The following DBF4B variants were observed in gnomAD, a reference collection of about 807,000 sequenced individuals.
DBF4B encodes the protein DBF4B-CDC7 kinase regulatory subunit.
A neutral mutation model predicts 53.4 loss-of-function variants in DBF4B; 49 were observed. That is an observed-to-expected ratio of 0.92 (90% CI 0.73 to 1.16). DBF4B has a LOEUF of 1.16. Among genes scored for constraint, DBF4B ranks in the 50% most tolerant of loss-of-function variants. The pLI is 0.00. For missense variants in DBF4B, 692 were observed against 775.0 expected, an observed-to-expected ratio of 0.89 and a Z score of 1.27; for synonymous variants, 257 against 288.7, an observed-to-expected ratio of 0.89 and a Z score of 1.11.
At chr17:44,734,387 C>T (rs1046979820) in intron 7 of DBF4B, among the ~76,000 whole-genome samples, 1 of 152,226 alleles carries the variant, frequency 6.6e-6, no homozygotes, top group South Asian at 2.1e-4. Flanking sequence ...GGCACACACC[C>T]TGCTGAGACA....
chr17:44,741,016 T>A (rs1175988635), intron 9 of DBF4B, among the ~76,000 whole-genome samples: 1 of 152,040 alleles, frequency 6.6e-6, no homozygotes, highest in Admixed American at 6.5e-5. Flanking sequence ...ACGCCTGTAG[T>A]CCCAGCTACT....
intron 2 of DBF4B, among the ~76,000 whole-genome samples, chr17:44,712,378 C>G (rs1419212369): frequency 1.5e-5 from 2 of 133,820 alleles, no homozygotes; most frequent in African/African-American, 5.4e-5. Context: ...CATCTCGGCT[C>G]ACTGCAACCT....
intron 10 of DBF4B, among the ~76,000 whole-genome samples, chr17:44,742,000 A>T (rs1467323560): frequency 1.3e-5 from 2 of 152,022 alleles, no homozygotes; most frequent in Admixed American, 1.3e-4. Context: ...TAATCTCAGC[A>T]CTTTGAGATG....
Position 44,751,611 on chromosome 17 carries a change from A to C in DBF4B, c.*358A>C, listed in dbSNP as rs2145185047. ...ATGCCATGCTCCTCTCCTGGAAAAC[A>C]CTTGAGTTGATTCAGTAAATCGACT... On this transcript the variant is annotated 3_prime_UTR_variant, in exon 14 of 14. Transcript: ENST00000315005. 3 of 1,358,974 alleles carry C rather than the reference A, an allele frequency of 2.2e-6. No homozygotes were observed. The East Asian group carries it at 8.7e-5, about 39-fold the overall frequency. The allele number at this position is 1,358,974 out of a possible 1,614,324, so 84.2% of individuals were successfully genotyped here. A position where few individuals can be genotyped will look rare whatever the true frequency, so the allele number is the denominator to read the frequency against.
rs1461049652 is a variant in DBF4B, at chr17:44,730,114, G to T, written c.417+18G>T. ...TTGACTCGGTAAGAACCTCATGTAG[G>T]AAAGGTATGCTGTGTAAACAAAGGA... On this transcript the variant is annotated intron_variant, in intron 4 of 13. Coordinates refer to ENST00000315005, the MANE Select transcript of DBF4B (RefSeq NM_145663.3). 6.2e-7 allele frequency: 1 copy of T among 1,611,478 alleles called. No individual in the cohort carries two copies. Among genetic ancestry groups the T allele is most frequent in the Admixed American group, 1.7e-5 (1 of 59,914 alleles).
At chr17:44,715,061 A>T (rs1973211234) in intron 2 of DBF4B, among the ~76,000 whole-genome samples, 1 of 152,046 alleles carries the variant, frequency 6.6e-6, no homozygotes, top group South Asian at 2.1e-4. Flanking sequence ...AATCTGTAAC[A>T]TCATTTTCTT....
In DBF4B at chr17:44,752,115, G is replaced by A. The variant is rs556424770; in HGVS notation, c.*862G>A. ...GCTCCACCCCAACTCCCTTCTGCTG[G>A]GTGGAATGCAGGAGCTAGCTGCCTC... On this transcript the variant is annotated 3_prime_UTR_variant, in exon 14 of 14. Transcript: ENST00000315005. The A allele has an allele frequency of 6.4e-5, 62 of 971,892 alleles. No homozygotes were observed. The African/African-American group carries it at 8.4e-4, about 13-fold the overall frequency. The allele number at this position is 971,892 out of a possible 1,614,324, so 60.2% of individuals were successfully genotyped here.
In DBF4B at chr17:44,711,934, CAAA is replaced by C. The variant is rs534607737; in HGVS notation, c.82+2580_82+2582del. ...TGGGCGACAGAGCAAGACTCTGTCT[CAAA>C]AAAAAAAAAAATTAGCTGGCGTGGT... On this transcript the variant is annotated intron_variant, in intron 2 of 13. Transcript: ENST00000315005. 3.2e-3 allele frequency among the ~76,000 whole-genome samples: 313 copies of C among 96,776 alleles called. 1 individual carries two copies. Among genetic ancestry groups the C allele is most frequent in the Non-Finnish European group, 4.1e-3 (186 of 45,486 alleles). The allele number at this position is 96,776 out of a possible 152,430, so 63.5% of individuals were successfully genotyped here.
At chr17:44,748,538 C>T in intron 13 of DBF4B, 73 bp downstream of exon 13, 1 of 1,602,244 alleles carries the variant, frequency 6.2e-7, no homozygotes, top group Non-Finnish European at 8.5e-7. Context: ...GGTGAGGTAC[C>T]TGGACCTATA....
chr17:44,728,706 A>G (rs1974565609), intron 3 of DBF4B, among the ~76,000 whole-genome samples: 1 of 151,826 alleles, frequency 6.6e-6, no homozygotes, highest in Non-Finnish European at 1.5e-5. Flanking sequence ...AGTCTCAGCT[A>G]TTCGGGAGGC....
chr17:44,717,364 C>G (rs1008116074), intron 2 of DBF4B, among the ~76,000 whole-genome samples: 4 of 152,122 alleles, frequency 2.6e-5, no homozygotes, highest in Non-Finnish European at 5.9e-5. Context: ...GGTTCCTACT[C>G]TTTACCCAGC....
At chr17:44,746,071 A>G (rs974342055) in intron 10 of DBF4B, among the ~76,000 whole-genome samples, 38 of 103,586 alleles carry the variant, frequency 3.7e-4, no homozygotes, top group South Asian at 6.3e-4. Context: ...AAAAAAAAAA[A>G]AAGAAAGAAA....
chr17:44,734,264 C>A (rs535187175), intron 7 of DBF4B, 101 bp downstream of exon 7: 185 of 1,444,284 alleles, frequency 1.3e-4, no homozygotes, highest in African/African-American at 4.5e-4. Context: ...CTCTTCCTGG[C>A]CATTCTGAAA....
intron 2 of DBF4B, chr17:44,720,130 C>T (rs1328576116): frequency 1.3e-5 from 4 of 298,396 alleles, no homozygotes; most frequent in Non-Finnish European, 2.6e-5. Context: ...ACCCTCGCCT[C>T]TGTGGCGCCC....
intron 10 of DBF4B, among the ~76,000 whole-genome samples, chr17:44,743,992 C>T (rs1221449257): frequency 6.6e-6 from 1 of 150,560 alleles, no homozygotes; most frequent in Non-Finnish European, 1.5e-5. Context: ...ATAGACCACA[C>T]CTGTAATCCC....
intron 2 of DBF4B, 104 bp from the exon 3 acceptor site, chr17:44,722,776 G>A (rs71373517): frequency 7.6e-7 from 1 of 1,317,064 alleles, no homozygotes; most frequent in Non-Finnish European, 1.1e-6. Flanking sequence ...CCAGGGTCTA[G>A]TCTGTGCTAT....
intron 10 of DBF4B, among the ~76,000 whole-genome samples, chr17:44,743,709 C>T (rs1225214244): frequency 6.7e-6 from 1 of 149,034 alleles, no homozygotes; most frequent in African/African-American, 2.5e-5. Flanking sequence ...CTCCCAGGTT[C>T]ACGCGATTCT....
Position 44,729,333 on chromosome 17 carries a change from C to G in DBF4B, c.226-572C>G, listed in dbSNP as rs186439046. On this transcript the variant is annotated intron_variant, in intron 3 of 13. Coordinates refer to ENST00000315005, the MANE Select transcript of DBF4B (RefSeq NM_145663.3). ...GCTCCTGCCTCAGACTCCCAAGTAGCTAGGACTATAGGTGCATGTAACAAC... is the reference window on the plus strand; with the variant it reads ...GCTCCTGCCTCAGACTCCCAAGTAGGTAGGACTATAGGTGCATGTAACAAC... Among the ~76,000 whole-genome samples the G allele has an allele frequency of 3.4e-3, 517 of 149,960 alleles. 3 individuals carry two copies. Among genetic ancestry groups the G allele is most frequent in the African/African-American group, 0.012 (491 of 40,780 alleles).
At position 44,751,013 on chromosome 17, in the gene DBF4B, C is replaced by A; in HGVS notation, c.1608C>A (p.Cys536Ter). The A allele has an allele frequency of 1.2e-6, 2 of 1,614,182 alleles. No individual in the cohort carries two copies. Among genetic ancestry groups the A allele is most frequent in the Non-Finnish European group, 8.5e-7 (1 of 1,180,030 alleles). Residue 536 changes from cysteine to a stop codon, truncating the protein, a stop_gained, in exon 14 of 14, where the codon TGC becomes TGA. Coordinates refer to ENST00000315005, the MANE Select transcript of DBF4B (RefSeq NM_145663.3). LOFTEE classifies it low-confidence loss of function (END_TRUNC). ...CTCTGCATGAGGAAGTTTCCCCTTG[C>A]CCCTGTCTCAGACTTGGATACCTTT... ...TTPLHEEVSP[C>*]PCLRLGYLYL...
Sources: gnomAD v4.1 joint callset for allele counts (sites outside exome capture counted in the v4.1 genomes callset) on GRCh38, gnomAD v4.1.1 for gene constraint, MANE v1.5 for transcripts, NCBI Gene and HGNC (gene_info 2026-07-23, HGNC 2026-07-21) for gene names.